HS6ST3: variants seen among roughly 807,000 people sequenced by gnomAD.
The protein encoded by HS6ST3 is heparan-sulfate 6-O-sulfotransferase 3.
In HS6ST3, 12 loss-of-function variants were observed where a neutral mutation model predicts 36.7. That is an observed-to-expected ratio of 0.33 (90% confidence interval 0.21 to 0.53). HS6ST3 has a LOEUF of 0.53. HS6ST3 is among the 20% of genes least tolerant of loss of function. The pLI is 0.95. For missense variants in HS6ST3, 584 were observed against 640.9 expected (o/e 0.91, Z 0.96); for synonymous variants, 240 against 257.5 (o/e 0.93, Z 0.65).
intron 1 of HS6ST3, among the ~76,000 whole-genome samples, chr13:96,590,184 T>C (rs2056377331): frequency 6.6e-6 from 1 of 152,178 alleles, no homozygotes; most frequent in Non-Finnish European, 1.5e-5. Context: ...CTGATTTCCT[T>C]TCTTTTGGGT....
chr13:96,292,234 G>A (rs558964832), intron 1 of HS6ST3, among the ~76,000 whole-genome samples: 1 of 144,142 alleles, frequency 6.9e-6, no homozygotes, highest in African/African-American at 2.5e-5. Flanking sequence ...GTGTGTGTGT[G>A]TATAAAAGTT....
chr13:96,215,666 T>C (rs2054422028), intron 1 of HS6ST3, among the ~76,000 whole-genome samples: 1 of 151,856 alleles, frequency 6.6e-6, no homozygotes, highest in Admixed American at 6.5e-5. Context: ...TCGTTTTTTT[T>C]CCCTTTATTT....
At chr13:96,151,158 C>T (rs1286585581) in intron 1 of HS6ST3, among the ~76,000 whole-genome samples, 1 of 152,166 alleles carries the variant, frequency 6.6e-6, no homozygotes, top group Non-Finnish European at 1.5e-5. Flanking sequence ...AATGATGGCA[C>T]TTTGGGAAGC....
intron 1 of HS6ST3, among the ~76,000 whole-genome samples, chr13:96,797,444 A>G (rs1877940992): frequency 6.6e-6 from 1 of 152,070 alleles, no homozygotes; most frequent in Non-Finnish European, 1.5e-5. Context: ...TTGAGTTTGA[A>G]TGATAGAATT....
intron 1 of HS6ST3, among the ~76,000 whole-genome samples, chr13:96,626,530 G>A (rs1228734472): frequency 3.3e-5 from 5 of 152,088 alleles, no homozygotes; most frequent in South Asian, 2.1e-4. Context: ...TAATCATAAT[G>A]TTGATATATG....
At chr13:96,556,126 C>T (rs1251606512) in intron 1 of HS6ST3, among the ~76,000 whole-genome samples, 1 of 152,172 alleles carries the variant, frequency 6.6e-6, no homozygotes, top group Non-Finnish European at 1.5e-5. Context: ...CTAAACCACT[C>T]TTATTGCAGT....
intron 1 of HS6ST3, among the ~76,000 whole-genome samples, chr13:96,658,815 C>T (rs773446671): frequency 2.6e-5 from 4 of 151,686 alleles, no homozygotes; most frequent in Non-Finnish European, 2.9e-5. Flanking sequence ...AAGCAGTTCT[C>T]GTGCCTCAGC....
chr13:96,568,695 G>C (rs2056290574), intron 1 of HS6ST3, among the ~76,000 whole-genome samples: 2 of 152,238 alleles, frequency 1.3e-5, no homozygotes, highest in African/African-American at 4.8e-5. Flanking sequence ...ACAGGGTTTG[G>C]GAATGGATTA....
At chr13:96,222,280 C>A (rs187456267) in intron 1 of HS6ST3, among the ~76,000 whole-genome samples, 2 of 152,174 alleles carry the variant, frequency 1.3e-5, no homozygotes, top group East Asian at 3.9e-4. Context: ...TAAAAAAAAG[C>A]CTTGAAATGG....
At chr13:96,545,234 G>T (rs1375104312) in intron 1 of HS6ST3, among the ~76,000 whole-genome samples, 1 of 152,148 alleles carries the variant, frequency 6.6e-6, no homozygotes, top group Non-Finnish European at 1.5e-5. Context: ...TCGTAAGTTT[G>T]ATAACTCAGC....
chr13:96,098,938 T>TTTG lies in HS6ST3; in HGVS notation c.707+7387_707+7389dup, dbSNP rs373140921. Among the ~76,000 whole-genome samples, 1,409 of 152,116 alleles carry TTTG rather than the reference T, an allele frequency of 9.3e-3. 27 individuals carry two copies. Among genetic ancestry groups the TTTG allele is most frequent in the African/African-American group, 0.032 (1,347 of 41,476 alleles). On this transcript the variant is annotated intron_variant, in intron 1 of 1. Coordinates refer to ENST00000376705, the MANE Select transcript of HS6ST3 (RefSeq NM_153456.4). ...CTGAGACTCATCTCATGCATATATG[T>TTTG]TTGTTGTTGTTGTTGTTGTTTTTGA...
intron 1 of HS6ST3, among the ~76,000 whole-genome samples, chr13:96,632,335 GT>G (rs759352949): frequency 6.6e-6 from 1 of 151,084 alleles, no homozygotes. Flanking sequence ...GTTTGTTTTT[GT>G]TTTTTTGTTT....
At chr13:96,177,214 G>A (rs1002983340) in intron 1 of HS6ST3, among the ~76,000 whole-genome samples, 2 of 152,260 alleles carry the variant, frequency 1.3e-5, no homozygotes, top group East Asian at 1.9e-4. Context: ...GCAGTATGGC[G>A]ATTCCTCAAA....
At chr13:96,496,029 G>A (rs534965800) in intron 1 of HS6ST3, among the ~76,000 whole-genome samples, 140 of 152,310 alleles carry the variant, frequency 9.2e-4, no homozygotes, top group Admixed American at 2.0e-3. Flanking sequence ...AGAGGCCCCA[G>A]GCCTGTCTTG....
At chr13:96,273,928 C>G (rs989716607) in intron 1 of HS6ST3, among the ~76,000 whole-genome samples, 2 of 39,504 alleles carry the variant, frequency 5.1e-5, no homozygotes, top group Non-Finnish European at 1.0e-4. Context: ...TTCCTTCTTC[C>G]CTCCCTCCCT....
At chr13:96,535,891 T>G (rs1306881264) in intron 1 of HS6ST3, among the ~76,000 whole-genome samples, 1 of 152,182 alleles carries the variant, frequency 6.6e-6, no homozygotes, top group Non-Finnish European at 1.5e-5. Flanking sequence ...CAGGATGAGT[T>G]CACCTCCCTC....
intron 1 of HS6ST3, among the ~76,000 whole-genome samples, chr13:96,693,627 A>G (rs537389334): frequency 6.6e-6 from 1 of 152,254 alleles, no homozygotes; most frequent in East Asian, 1.9e-4. Context: ...GAGTTGCATT[A>G]TAGTTACTGT....
intron 1 of HS6ST3, among the ~76,000 whole-genome samples, chr13:96,647,680 A>C (rs1176684081): frequency 6.6e-6 from 1 of 152,078 alleles, no homozygotes; most frequent in Non-Finnish European, 1.5e-5. Context: ...AATTATTCTT[A>C]CAAAGTTGAA....
At chr13:96,133,693 G>A (rs1447669177) in intron 1 of HS6ST3, among the ~76,000 whole-genome samples, 1 of 152,176 alleles carries the variant, frequency 6.6e-6, no homozygotes, top group Non-Finnish European at 1.5e-5. Context: ...AAAGTGCTGG[G>A]ATTACAGGTG....
Sources: allele counts gnomAD v4.1 joint callset (sites outside exome capture counted in the v4.1 genomes callset), GRCh38; gene constraint gnomAD v4.1.1; transcripts MANE v1.5; gene names NCBI Gene and HGNC (gene_info 2026-07-23, HGNC 2026-07-21).